The following MEIS2 variants were observed in gnomAD, a reference collection of about 807,000 sequenced individuals.
MEIS2 encodes the protein homeobox protein Meis2.
MEIS2 carries 9 observed loss-of-function variants against 58.6 expected under a neutral mutation model. The ratio of observed to expected loss-of-function variants is 0.15; its 90% CI spans 0.09 to 0.27. MEIS2 has a LOEUF of 0.27. Ranked by LOEUF, MEIS2 falls within the 10% of genes least tolerant of loss-of-function variation. The pLI is 1.00. For synonymous variants in MEIS2, 221 were observed against 228.4 expected, an observed-to-expected ratio of 0.97 and a Z score of 0.29; for missense variants, 427 against 635.0, an observed-to-expected ratio of 0.67 and a Z score of 3.52.
At chr15:37,081,770 C>T in intron 7 of MEIS2, among the ~76,000 whole-genome samples, 1 of 152,086 alleles carries the variant, frequency 6.6e-6, no homozygotes, top group Non-Finnish European at 1.5e-5. Context: ...TTTAATCCCG[C>T]AGAGACATGA....
At chr15:37,089,427 C>G (rs575507418) in intron 6 of MEIS2, among the ~76,000 whole-genome samples, 36 of 152,190 alleles carry the variant, frequency 2.4e-4, no homozygotes, top group African/African-American at 8.7e-4. Flanking sequence ...AGTCTCCTCT[C>G]TGACCTAACC....
chr15:37,011,688 C>T (rs2061165422), intron 8 of MEIS2, among the ~76,000 whole-genome samples: 3 of 128,144 alleles, frequency 2.3e-5, no homozygotes, highest in South Asian at 2.6e-4. Context: ...GGCCTGATCT[C>T]GGCTCACTGC....
At chr15:36,921,810 A>C (rs1329831209) in intron 9 of MEIS2, among the ~76,000 whole-genome samples, 1 of 152,216 alleles carries the variant, frequency 6.6e-6, no homozygotes, top group Non-Finnish European at 1.5e-5. Flanking sequence ...ACAAAGACTC[A>C]AGTGCTGGTT....
chr15:37,013,580 A>C (rs1206783259), intron 8 of MEIS2, among the ~76,000 whole-genome samples: 3 of 148,604 alleles, frequency 2.0e-5, no homozygotes, highest in African/African-American at 7.3e-5. Context: ...CTCAAAAAAA[A>C]AAATTATATA....
chr15:36,995,056 T>C (rs1236842078), intron 8 of MEIS2, among the ~76,000 whole-genome samples: 1 of 152,198 alleles, frequency 6.6e-6, no homozygotes, highest in Non-Finnish European at 1.5e-5. Flanking sequence ...TCCATACTTT[T>C]AATATATTTT....
chr15:36,992,359 T>C (rs1016283518), intron 8 of MEIS2, among the ~76,000 whole-genome samples: 14 of 152,266 alleles, frequency 9.2e-5, no homozygotes, highest in African/African-American at 3.4e-4. Context: ...GTGACAAGTG[T>C]TACAAATTCA....
intron 6 of MEIS2, among the ~76,000 whole-genome samples, chr15:37,093,060 G>A: frequency 6.6e-6 from 1 of 152,154 alleles, no homozygotes; most frequent in Non-Finnish European, 1.5e-5. Flanking sequence ...CCTGAGAATT[G>A]TAATGTGTTT....
chr15:36,976,235 C>T (rs1212778599), intron 8 of MEIS2, among the ~76,000 whole-genome samples: 1 of 151,922 alleles, frequency 6.6e-6, no homozygotes, highest in Non-Finnish European at 1.5e-5. Flanking sequence ...CAGGCGGCCA[C>T]CACCATGCCC....
intron 7 of MEIS2, among the ~76,000 whole-genome samples, chr15:37,056,931 C>T (rs913985181): frequency 1.3e-5 from 2 of 152,178 alleles, no homozygotes; most frequent in Admixed American, 1.3e-4. Context: ...TAACGCCCTC[C>T]CTCCCATGAA....
intron 8 of MEIS2, among the ~76,000 whole-genome samples, chr15:36,963,977 T>C (rs1198698900): frequency 6.6e-6 from 1 of 152,222 alleles, no homozygotes; most frequent in Non-Finnish European, 1.5e-5. Context: ...CCTAAGTTAT[T>C]GTAAGCATAA....
intron 9 of MEIS2, among the ~76,000 whole-genome samples, chr15:36,932,163 G>A (rs779710289): frequency 1.3e-5 from 2 of 151,956 alleles, no homozygotes; most frequent in Admixed American, 6.6e-5. Flanking sequence ...AGACTTAATC[G>A]CTAATGACTG....
chr15:37,028,237 G>A (rs1595959098), intron 8 of MEIS2, among the ~76,000 whole-genome samples: 2 of 152,234 alleles, frequency 1.3e-5, no homozygotes, highest in East Asian at 3.9e-4. Context: ...AAATGTTTTT[G>A]CATTGAGGAG....
chr15:37,038,700 C>T (rs2062273400), intron 7 of MEIS2, among the ~76,000 whole-genome samples: 3 of 152,088 alleles, frequency 2.0e-5, no homozygotes, highest in Non-Finnish European at 2.9e-5. Context: ...AGTCAAAGAC[C>T]GAATCAGTAT....
chr15:37,066,359 T>C (rs1420475445), intron 7 of MEIS2: 1 of 152,214 alleles, frequency 6.6e-6, no homozygotes, highest in African/African-American at 2.4e-5. Context: ...CTTGCCTTAA[T>C]TAAATTTTAC....
At chr15:37,040,919 G>A (rs962817983) in intron 7 of MEIS2, among the ~76,000 whole-genome samples, 1 of 152,200 alleles carries the variant, frequency 6.6e-6, no homozygotes, top group Non-Finnish European at 1.5e-5. Context: ...TATGCAATCA[G>A]AGTATCACTG....
At chr15:37,036,695 T>C (rs1186566886) in intron 8 of MEIS2, 119 bp downstream of exon 8, 1 of 1,147,732 alleles carries the variant, frequency 8.7e-7, no homozygotes, top group African/African-American at 1.6e-5. Flanking sequence ...CTGTTAGTCA[T>C]CAGATTTCAA....
rs1220911568 is a variant in MEIS2 at position 37,096,302 on chromosome 15, A to G, written c.374T>C (p.Val125Ala). 1 of 1,610,136 alleles carries G rather than the reference A, an allele frequency of 6.2e-7. No homozygotes were observed. The highest frequency in any genetic ancestry group is 8.5e-7 in the Non-Finnish European group (1 of 1,177,608). ...AGAAGGCTGGACCTGCTTGGCGAAGACCGCGATGTCCTCGTTGAAGGAGTC... is the reference window on the plus strand; with the variant it reads ...AGAAGGCTGGACCTGCTTGGCGAAGGCCGCGATGTCCTCGTTGAAGGAGTC... Reference protein sequence around the residue: ...SSDSFNEDIAVFAKQVRAEKP... With the variant: ...SSDSFNEDIAAFAKQVRAEKP... Residue 125 changes from valine to alanine, a missense_variant, in exon 3 of 12, where the codon GTC becomes GCC. By Grantham distance (64) the Val-to-Ala change is moderately conservative. Coordinates refer to ENST00000561208, the MANE Select transcript of MEIS2 (RefSeq NM_170675.5).
chr15:36,892,499 T>G (rs755914336), intron 11 of MEIS2, 40 bp from the exon 12 acceptor site: 1 of 1,318,718 alleles, frequency 7.6e-7, no homozygotes, highest in South Asian at 1.2e-5. Flanking sequence ...GTCAAATTCC[T>G]AAACATTTTT....
At chr15:37,048,086 G>A (rs1371546599) in intron 7 of MEIS2, among the ~76,000 whole-genome samples, 2 of 152,088 alleles carry the variant, frequency 1.3e-5, no homozygotes, top group Non-Finnish European at 2.9e-5. Flanking sequence ...GAATCAACAG[G>A]TCTTTCAAGG....
Sources: gnomAD v4.1 joint callset for allele counts (sites outside exome capture counted in the v4.1 genomes callset) on GRCh38, gnomAD v4.1.1 for gene constraint, MANE v1.5 for transcripts, NCBI Gene and HGNC (gene_info 2026-07-23, HGNC 2026-07-21) for gene names.